The following PTPRM variants were observed in gnomAD, a reference collection of about 807,000 sequenced individuals.
PTPRM encodes the protein protein tyrosine phosphatase receptor type M.
In PTPRM, 47 loss-of-function variants were observed where a neutral mutation model predicts 186.7. The observed-to-expected ratio is 0.25, with a 90% confidence interval of 0.20 to 0.32. The LOEUF is 0.32. Ranked by LOEUF, PTPRM falls within the 10% of genes least tolerant of loss-of-function variation. The probability of loss-of-function intolerance (pLI) is 1.00; values close to 1 mark genes in which losing one functional copy is unlikely to be tolerated. For synonymous variants in PTPRM, 668 were observed against 674.9 expected, an observed-to-expected ratio of 0.99 and a Z score of 0.16; for missense variants, 1,494 against 1,865.0, an observed-to-expected ratio of 0.80 and a Z score of 3.66.
chr18:7,571,093 C>T (rs2036555908), intron 1 of PTPRM, among the ~76,000 whole-genome samples: 1 of 151,988 alleles, frequency 6.6e-6, no homozygotes, highest in Non-Finnish European at 1.5e-5. Context: ...TGTGCACCAC[C>T]ACCACCGCCA....
intron 2 of PTPRM, among the ~76,000 whole-genome samples, chr18:7,783,056 A>G (rs117241217): frequency 0.019 from 2,833 of 152,310 alleles, 20 homozygotes; most frequent in Non-Finnish European, 0.026. Flanking sequence ...TCCTGCTTAA[A>G]TTTCCCATAA....
At chr18:7,687,808 T>A (rs2039638825) in intron 1 of PTPRM, among the ~76,000 whole-genome samples, 1 of 150,532 alleles carries the variant, frequency 6.6e-6, no homozygotes, top group Admixed American at 6.6e-5. Context: ...AGACGGAGTC[T>A]CACTGTGTCA....
intron 4 of PTPRM, among the ~76,000 whole-genome samples, chr18:7,925,686 G>A (rs1031053021): frequency 6.6e-6 from 1 of 151,960 alleles, no homozygotes; most frequent in Non-Finnish European, 1.5e-5. Context: ...CCTCTTCTGT[G>A]GGAAGCACTC....
At chr18:7,661,065 T>C (rs2038969032) in intron 1 of PTPRM, among the ~76,000 whole-genome samples, 1 of 152,224 alleles carries the variant, frequency 6.6e-6, no homozygotes, top group Non-Finnish European at 1.5e-5. Flanking sequence ...CACTTCAGGC[T>C]ACAGCAGAAA....
At chr18:8,082,101 C>T (rs1347535704) in intron 9 of PTPRM, among the ~76,000 whole-genome samples, 5 of 152,196 alleles carry the variant, frequency 3.3e-5, no homozygotes, top group Admixed American at 2.6e-4. Context: ...TGAGCGGATG[C>T]ACACACCCGC....
At chr18:7,604,048 A>C (rs991303148) in intron 1 of PTPRM, among the ~76,000 whole-genome samples, 1 of 152,144 alleles carries the variant, frequency 6.6e-6, no homozygotes, top group African/African-American at 2.4e-5. Flanking sequence ...TTCTTTTTTC[A>C]CACAAGAAAT....
intron 21 of PTPRM, among the ~76,000 whole-genome samples, chr18:8,318,507 G>A (rs1658358168): frequency 6.6e-6 from 1 of 151,730 alleles, no homozygotes; most frequent in South Asian, 2.1e-4. Flanking sequence ...ATGTTGTGCA[G>A]GCTGGTCTCA....
At chr18:8,030,352 G>C (rs2085883492) in intron 7 of PTPRM, among the ~76,000 whole-genome samples, 1 of 152,186 alleles carries the variant, frequency 6.6e-6, no homozygotes, top group South Asian at 2.1e-4. Context: ...AGTGGAAAGT[G>C]ATTTGAAAGC....
intron 22 of PTPRM, among the ~76,000 whole-genome samples, chr18:8,321,835 G>A (rs2095347961): frequency 6.6e-6 from 1 of 152,156 alleles, no homozygotes; most frequent in African/African-American, 2.4e-5. Flanking sequence ...TTCATACCAT[G>A]ATGTTCAGAT....
chr18:7,569,431 C>T (rs1040049663), intron 1 of PTPRM, among the ~76,000 whole-genome samples: 4 of 152,146 alleles, frequency 2.6e-5, no homozygotes, highest in African/African-American at 9.7e-5. Context: ...GATGCACTGT[C>T]GTCTGATTAT....
At chr18:8,198,154 T>C (rs1455416084) in intron 14 of PTPRM, among the ~76,000 whole-genome samples, 1 of 152,132 alleles carries the variant, frequency 6.6e-6, no homozygotes, top group Admixed American at 6.5e-5. Context: ...TTTTGCCTTT[T>C]CTTTGTTGTT....
chr18:8,331,018 T>C (rs2095409429), intron 22 of PTPRM, among the ~76,000 whole-genome samples: 1 of 152,218 alleles, frequency 6.6e-6, no homozygotes, highest in African/African-American at 2.4e-5. Flanking sequence ...AGATCCTCTT[T>C]GGTGCCCTAA....
At chr18:8,157,792 G>C (rs576566637) in intron 14 of PTPRM, among the ~76,000 whole-genome samples, 1 of 152,174 alleles carries the variant, frequency 6.6e-6, no homozygotes, top group Non-Finnish European at 1.5e-5. Context: ...AGTGGGCATG[G>C]CATTGGCATT....
At chr18:8,065,960 A>G (rs1368452094) in intron 7 of PTPRM, among the ~76,000 whole-genome samples, 1 of 152,194 alleles carries the variant, frequency 6.6e-6, no homozygotes, top group Non-Finnish European at 1.5e-5. Context: ...GTGTTCAGTG[A>G]TCATCAGTAT....
Position 7,660,978 on chromosome 18 carries a change from A to G in PTPRM, c.73+93087A>G, listed in dbSNP as rs561509068. On this transcript the variant is annotated intron_variant, in intron 1 of 32. Transcript: ENST00000580170. ...AGAGCAAGACTCCATCTCAAAAAAG[A>G]AAGAAAAAAAAAGCAAAGAAAAGAA... Among the ~76,000 whole-genome samples, 22 of 151,932 alleles carry G rather than the reference A, an allele frequency of 1.4e-4. No individual in the cohort carries two copies. The South Asian group carries it at 3.9e-3, about 27-fold the overall frequency.
rs184960815 is a variant in PTPRM, at chr18:8,086,453, A to T, written c.1753+581A>T. Reference sequence around the variant, plus strand: ...TCAACTGTGCAGAAAATGTCTTTGTACTTCAGACTAGAGGAAATTAAGCTG... The same window carrying T: ...TCAACTGTGCAGAAAATGTCTTTGTTCTTCAGACTAGAGGAAATTAAGCTG... On this transcript the variant is annotated intron_variant, in intron 10 of 32. Coordinates refer to ENST00000580170, the MANE Select transcript of PTPRM (RefSeq NM_001105244.2). Among the ~76,000 whole-genome samples the T allele has an allele frequency of 2.5e-3, 379 of 152,298 alleles. 3 individuals are homozygous for T. The highest frequency in any genetic ancestry group is 8.7e-3 in the African/African-American group (360 of 41,574).
intron 1 of PTPRM, among the ~76,000 whole-genome samples, chr18:7,746,118 A>G (rs1291474191): frequency 6.6e-6 from 1 of 152,214 alleles, no homozygotes; most frequent in Non-Finnish European, 1.5e-5. Context: ...TTGATAAAAG[A>G]CATTAAGCAG....
Position 7,859,688 on chromosome 18 carries a change from G to A in PTPRM, c.197-28418G>A, listed in dbSNP as rs527995768. ...ACCAGGGAACCAGTCAGAAATGGGG[G>A]TTGAGGAGTCGGTACCCTGTGGTGC... On this transcript the variant is annotated intron_variant, in intron 2 of 32. Transcript: ENST00000580170. Among the ~76,000 whole-genome samples, 18 of 152,354 alleles carry A rather than the reference G, an allele frequency of 1.2e-4. No homozygotes were observed. In the East Asian group the frequency reaches 2.7e-3, roughly 23 times the overall value.
At position 7,772,444 on chromosome 18, in the gene PTPRM, CCCTTCCTTCCTTCCTTCCTTCCTTCCTT is replaced by C. The variant is rs200187256; in HGVS notation, c.74-1671_74-1644del. Among the ~76,000 whole-genome samples, 228 of 92,414 alleles carry C rather than the reference CCCTTCCTTCCTTCCTTCCTTCCTTCCTT, an allele frequency of 2.5e-3. 2 individuals are homozygous for C. Among genetic ancestry groups the C allele is most frequent in the African/African-American group, 0.01 (203 of 19,352 alleles). 60.6% of individuals were successfully genotyped at this position (92,414 alleles called of 152,430 possible). On this transcript the variant is annotated intron_variant, in intron 1 of 32. Transcript: ENST00000580170. ...TCTTTCTCCCTTCCCCTTCCCCTTC[CCCTTCCTTCCTTCCTTCCTTCCTTCCTT>C]CCTTCCTTCCTTCCTTCCTTCCTTC...
Sources: allele counts gnomAD v4.1 joint callset (sites outside exome capture counted in the v4.1 genomes callset), GRCh38; gene constraint gnomAD v4.1.1; transcripts MANE v1.5; gene names NCBI Gene and HGNC (gene_info 2026-07-23, HGNC 2026-07-21).